Variants in ARHGAP36 observed in about 807,000 individuals in gnomAD.
ARHGAP36 encodes the protein rho GTPase-activating protein 36.
In ARHGAP36, 7 loss-of-function variants were observed where a neutral mutation model predicts 32.9. That is an observed-to-expected ratio of 0.21 (90% CI 0.12 to 0.40). The LOEUF (loss-of-function observed/expected upper bound fraction) is 0.40. Ranked by LOEUF, ARHGAP36 falls within the 10% of genes least tolerant of loss-of-function variation. ARHGAP36 has a pLI of 1.00. For synonymous variants in ARHGAP36, 165 were observed against 168.3 expected (o/e 0.98, Z 0.15); for missense variants, 383 against 442.2 (o/e 0.87, Z 1.20).
In ARHGAP36 at chrX:131,083,859, C is replaced by T; in HGVS notation, c.445C>T (p.Arg149Cys). 1 of 1,212,304 alleles carries T rather than the reference C, an allele frequency of 8.2e-7. No homozygotes were observed. The highest frequency in any genetic ancestry group is 1.1e-6 in the Non-Finnish European group (1 of 895,678). ...VEEATGQAAG[R>C]RRGNVVRRVF... ...AGAAGCCACCGGTCAGGCTGCGGGC[C>T]GTCGTCGGGGAAACGTGGTGCGAAG... The change falls in exon 4 of 12, where the codon CGT becomes TGT. Residue 149 changes from arginine (R) to cysteine (C), a missense_variant. Arg to Cys is a radical substitution (Grantham distance 180, BLOSUM62 -3). Around this residue, in one of 2 missense-constraint regions of ARHGAP36, gnomAD observed 156 missense variants for 131.0 expected, o/e 1.19. Transcript: ENST00000276211.
At chrX:131,083,038 C>T in intron 2 of ARHGAP36, 127 bp from the exon 3 acceptor site, 1 of 591,428 alleles carries the variant, frequency 1.7e-6, no homozygotes, top group South Asian at 3.7e-5. Context: ...AATTACTTTT[C>T]GCCCGCTGGG....
rs774023708 is a variant in ARHGAP36 at position 131,083,278 on chromosome X, C to T, written c.319+48C>T. 1.1e-5 allele frequency: 13 copies of T among 1,148,217 alleles called. No individual in the cohort carries two copies. In the East Asian group the frequency reaches 3.3e-4, roughly 29 times the overall value. 94.6% of individuals were successfully genotyped at this position (1,148,217 alleles called of 1,213,427 possible). On this transcript the variant is annotated intron_variant, in intron 3 of 11. Coordinates refer to ENST00000276211, the MANE Select transcript of ARHGAP36 (RefSeq NM_144967.4). ...TTTAGAAAAGAAATAGAATGCTAAC[C>T]CCCTGTGTAGTGTGGCCCTGGCTAT...
chrX:131,069,067 G>T (rs2079718183), intron 1 of ARHGAP36, among the ~76,000 whole-genome samples: 1 of 112,203 alleles, frequency 8.9e-6, no homozygotes, highest in African/African-American at 3.2e-5. Context: ...CGGACTGGGC[G>T]CCACAGGCGG....
intron 1 of ARHGAP36, among the ~76,000 whole-genome samples, chrX:131,068,173 C>T (rs1056590002): frequency 1.8e-5 from 2 of 112,003 alleles, no homozygotes; most frequent in Non-Finnish European, 3.8e-5. Flanking sequence ...AAACGTGCTC[C>T]GCGCACACAC....
Position 131,081,529 on chromosome X carries a change from A to AT in ARHGAP36, c.-137_-136insT. The stretch of plus-strand genomic sequence containing the variant: ...ATTTTTTTTTTCTTTTTTAGCAAAA[A>AT]CAACCAGAGGCTGCTCTGCTTGAGG... On this transcript the variant is annotated 5_prime_UTR_variant, in exon 2 of 12. It removes the in-frame stop codon of an upstream open reading frame in the 5' UTR. Coordinates refer to ENST00000276211, the MANE Select transcript of ARHGAP36 (RefSeq NM_144967.4). The AT allele has an allele frequency of 9.4e-7, 1 of 1,060,072 alleles. No homozygotes were observed. Among genetic ancestry groups the AT allele is most frequent in the Non-Finnish European group, 1.2e-6 (1 of 825,897 alleles). 87.4% of individuals were successfully genotyped at this position (1,060,072 alleles called of 1,213,427 possible).
At chrX:131,068,900 G>A (rs1043941232) in intron 1 of ARHGAP36, among the ~76,000 whole-genome samples, 3 of 111,654 alleles carry the variant, frequency 2.7e-5, no homozygotes, top group African/African-American at 9.8e-5. Flanking sequence ...CCCCGCGCTG[G>A]ACACATAGTA....
At position 131,077,939 on chromosome X, in the gene ARHGAP36, GT is replaced by G. The variant is rs548692099; in HGVS notation, c.-142-3577del. On this transcript the variant is annotated intron_variant, in intron 1 of 11. Transcript: ENST00000276211. Reference sequence around the variant, plus strand: ...TTAGTTTTTCTAAATTTTATAAAATGTTTTTTTTAAATACTTGACTCTGCTG... The same window carrying G: ...TTAGTTTTTCTAAATTTTATAAAATGTTTTTTTAAATACTTGACTCTGCTG... 1.4e-4 allele frequency among the ~76,000 whole-genome samples: 15 copies of G among 108,791 alleles called. No individual in the cohort carries two copies. In the East Asian group the frequency reaches 2.0e-3, roughly 15 times the overall value. 94.5% of individuals were successfully genotyped at this position (108,791 alleles called of 115,157 possible).
intron 2 of ARHGAP36, 25 bp downstream of exon 2, chrX:131,081,943 A>T (rs769537415): frequency 1.7e-6 from 2 of 1,203,746 alleles, no homozygotes; most frequent in East Asian, 5.9e-5. Flanking sequence ...GGATTGTGGC[A>T]TCCTCGCCTT....
chrX:131,075,797 T>C (rs938452733), intron 1 of ARHGAP36, among the ~76,000 whole-genome samples: 2 of 111,035 alleles, frequency 1.8e-5, no homozygotes, highest in Admixed American at 1.9e-4. Flanking sequence ...GCAGCAGATG[T>C]TGGTGGTGAA....
intron 1 of ARHGAP36, chrX:131,078,591 T>G (rs1351275193): frequency 1.1e-5 from 4 of 369,698 alleles, no homozygotes; most frequent in African/African-American, 1.1e-4. Context: ...GCCTGAAGTA[T>G]TCAAATCTCA....
intron 1 of ARHGAP36, 55 bp downstream of exon 1, chrX:131,058,499 C>A: frequency 1.0e-6 from 1 of 969,205 alleles, no homozygotes; most frequent in South Asian, 3.8e-5. Flanking sequence ...GGGCGGCCGG[C>A]GGCTGCAGCC....
rs1362238515 is a variant in ARHGAP36, at chrX:131,088,562, C to A, written c.1487-66C>A. The A allele has an allele frequency of 2.3e-5, 26 of 1,122,618 alleles. No homozygotes were observed. The Admixed American group carries it at 6.5e-4, about 28-fold the overall frequency. The allele number at this position is 1,122,618 out of a possible 1,213,427, so 92.5% of individuals were successfully genotyped here. A position where few individuals can be genotyped will look rare whatever the true frequency, so the allele number is the denominator to read the frequency against. On this transcript the variant is annotated intron_variant, in intron 11 of 11. Coordinates refer to ENST00000276211, the MANE Select transcript of ARHGAP36 (RefSeq NM_144967.4). ...TGAAACTCAAAATTAGGTCTTAGTG[C>A]CTTGGGTGCTGCGCAAAGTATAAAG...
intron 3 of ARHGAP36, 150 bp from the exon 4 acceptor site, chrX:131,083,584 G>C: frequency 1.7e-6 from 1 of 577,763 alleles, no homozygotes; most frequent in East Asian, 3.3e-5. Context: ...GGTCTTTTTG[G>C]CTAGCTCCCC....
At chrX:131,071,454 G>A (rs1212555235) in intron 1 of ARHGAP36, among the ~76,000 whole-genome samples, 2 of 111,126 alleles carry the variant, frequency 1.8e-5, no homozygotes, top group Non-Finnish European at 3.8e-5. Context: ...GGAGGGGAGG[G>A]CGAGGGCCTC....
chrX:131,083,245 G>C lies in ARHGAP36; in HGVS notation c.319+15G>C, dbSNP rs1012944733. The C allele has an allele frequency of 3.3e-6, 4 of 1,196,860 alleles. No homozygotes were observed. The highest frequency in any genetic ancestry group is 3.0e-5 in the East Asian group (1 of 33,685). On this transcript the variant is annotated intron_variant, in intron 3 of 11. Coordinates refer to ENST00000276211, the MANE Select transcript of ARHGAP36 (RefSeq NM_144967.4). ...ACAGCAGAGGGGTGAGGGGGCTCTT[G>C]TATTTTCTTTAGAAAAGAAATAGAA...
In ARHGAP36 at chrX:131,088,789, T is replaced by G. The variant is rs1440035525; in HGVS notation, c.*4T>G. 1.7e-6 allele frequency: 2 copies of G among 1,202,081 alleles called. No homozygotes were observed. Among genetic ancestry groups the G allele is most frequent in the South Asian group, 3.7e-5 (2 of 54,708 alleles). ...CGTCAGCTACTTCTTTCCTTAGATG[T>G]TTTTCCTTCTATAAGGTGCCAGACA... is the stretch of plus-strand genomic sequence containing the variant. On this transcript the variant is annotated 3_prime_UTR_variant, in exon 12 of 12. Coordinates refer to ENST00000276211, the MANE Select transcript of ARHGAP36 (RefSeq NM_144967.4).
intron 1 of ARHGAP36, 64 bp from the exon 2 acceptor site, chrX:131,081,460 C>A: frequency 1.2e-6 from 1 of 861,207 alleles, no homozygotes; most frequent in Non-Finnish European, 1.4e-6. Flanking sequence ...ATTAGGTTTT[C>A]TTTTTCCTGG....
At chrX:131,086,704 C>T (rs749084044) in intron 11 of ARHGAP36, 39 bp downstream of exon 11, 1 of 1,164,744 alleles carries the variant, frequency 8.6e-7, no homozygotes, top group Admixed American at 2.2e-5. Flanking sequence ...TGCTGAAGGT[C>T]AGTCCCTTGT....
intron 1 of ARHGAP36, among the ~76,000 whole-genome samples, chrX:131,066,305 T>C (rs1040746057): frequency 9.0e-6 from 1 of 111,711 alleles, no homozygotes; most frequent in Non-Finnish European, 1.9e-5. Context: ...TAAAAATGGG[T>C]CTGGGGGAGC....
Sources: gnomAD v4.1 joint callset for allele counts (sites outside exome capture counted in the v4.1 genomes callset) on GRCh38, gnomAD v4.1.1 for gene constraint, gnomAD v4.1.1 regional missense constraint, MANE v1.5 for transcripts, NCBI Gene and HGNC (gene_info 2026-07-23, HGNC 2026-07-21) for gene names.